UNC5D: variants seen among roughly 807,000 people sequenced by gnomAD.
The protein encoded by UNC5D is netrin receptor UNC5D.
UNC5D carries 39 observed loss-of-function variants against 105.4 expected under a neutral mutation model. That is an observed-to-expected ratio of 0.37 (90% CI 0.29 to 0.48). The LOEUF is 0.48. UNC5D is among the 20% of genes least tolerant of loss of function. The probability of loss-of-function intolerance (pLI) is 0.98; values close to 1 mark genes in which losing one functional copy is unlikely to be tolerated. For missense variants in UNC5D, 991 were observed against 1,202.4 expected (o/e 0.82, Z 2.60); for synonymous variants, 452 against 450.4 (o/e 1.00, Z -0.04).
At chr8:35,385,505 G>A (rs552648543) in intron 1 of UNC5D, among the ~76,000 whole-genome samples, 26 of 123,464 alleles carry the variant, frequency 2.1e-4, no homozygotes, top group South Asian at 1.1e-3. Context: ...TCGCTCTGTC[G>A]CCCAGGCTGG....
At chr8:35,358,177 A>G (rs1801662161) in intron 1 of UNC5D, among the ~76,000 whole-genome samples, 1 of 152,182 alleles carries the variant, frequency 6.6e-6, no homozygotes, top group Non-Finnish European at 1.5e-5. Context: ...AATTCATTCT[A>G]TTATAAAGAT....
Position 35,722,196 on chromosome 8 carries a change from C to G in UNC5D, c.1118-14C>G. On this transcript the variant is annotated splice_polypyrimidine_tract_variant and intron_variant, in intron 8 of 16. Transcript: ENST00000404895. ...CCCATGCTGGTCACTTACAATTTCT[C>G]TTGTGTCTTTCAGGCATTGAGAATG... 6.2e-7 allele frequency: 1 copy of G among 1,611,114 alleles called. No homozygotes were observed. The highest frequency in any genetic ancestry group is 1.1e-5 in the South Asian group (1 of 90,636).
At chr8:35,442,904 T>TCTCA (rs1246705327) in intron 1 of UNC5D, among the ~76,000 whole-genome samples, 349 of 141,340 alleles carry the variant, frequency 2.5e-3, no homozygotes, top group Middle Eastern at 7.3e-3. Flanking sequence ...TCTCTCTCTC[T>TCTCA]CACACACACA....
chr8:35,281,632 T>A (rs1806174771), intron 1 of UNC5D, among the ~76,000 whole-genome samples: 1 of 152,116 alleles, frequency 6.6e-6, no homozygotes, highest in Admixed American at 6.5e-5. Context: ...TTAGCATTGC[T>A]ATGCTACCTT....
intron 16 of UNC5D, among the ~76,000 whole-genome samples, chr8:35,777,857 G>T (rs1172980647): frequency 6.6e-6 from 1 of 152,156 alleles, no homozygotes; most frequent in East Asian, 1.9e-4. Context: ...AAGAAGGGAG[G>T]AAAAGAAAGA....
At chr8:35,656,622 T>C (rs2131207513) in intron 4 of UNC5D, among the ~76,000 whole-genome samples, 1 of 152,250 alleles carries the variant, frequency 6.6e-6, no homozygotes, top group East Asian at 1.9e-4. Context: ...AATGCAAACC[T>C]TAACCCTCTT....
At chr8:35,455,857 G>C (rs1437677664) in intron 1 of UNC5D, among the ~76,000 whole-genome samples, 3 of 151,872 alleles carry the variant, frequency 2.0e-5, no homozygotes, top group Non-Finnish European at 4.4e-5. Flanking sequence ...GAACAATATG[G>C]GGAAAACTAC....
chr8:35,536,024 T>A (rs1563511512), intron 1 of UNC5D, among the ~76,000 whole-genome samples: 2 of 152,210 alleles, frequency 1.3e-5, no homozygotes, highest in Non-Finnish European at 2.9e-5. Flanking sequence ...TCTAGCTCTG[T>A]CTTAACTCCA....
chr8:35,390,102 G>C lies in UNC5D; in HGVS notation c.103+154215G>C, dbSNP rs542417370. On this transcript the variant is annotated intron_variant, in intron 1 of 16. Coordinates refer to ENST00000404895, the MANE Select transcript of UNC5D (RefSeq NM_080872.4). ...TCCAGTCATGGCAGAAGGCAAAGGGGGAGCAGGCATGTCACATGGCCAGAG... is the reference window on the plus strand; with the variant it reads ...TCCAGTCATGGCAGAAGGCAAAGGGCGAGCAGGCATGTCACATGGCCAGAG... Among the ~76,000 whole-genome samples, 328 of 152,256 alleles carry C rather than the reference G, an allele frequency of 2.2e-3. 1 individual carries two copies. The highest frequency in any genetic ancestry group is 7.6e-3 in the African/African-American group (317 of 41,554).
chr8:35,457,381 A>G (rs1013989600), intron 1 of UNC5D, among the ~76,000 whole-genome samples: 64 of 152,152 alleles, frequency 4.2e-4, no homozygotes, highest in African/African-American at 1.5e-3. Flanking sequence ...TTTCTGCTCC[A>G]TCTCAACAGA....
chr8:35,433,105 A>G (rs976754475), intron 1 of UNC5D, among the ~76,000 whole-genome samples: 1 of 152,174 alleles, frequency 6.6e-6, no homozygotes, highest in Non-Finnish European at 1.5e-5. Context: ...GTGAAAGCTA[A>G]CACATTTATT....
intron 1 of UNC5D, among the ~76,000 whole-genome samples, chr8:35,252,785 C>T (rs1175599015): frequency 6.6e-6 from 1 of 152,054 alleles, no homozygotes; most frequent in Non-Finnish European, 1.5e-5. Flanking sequence ...GAGTAGATTA[C>T]TTGGACCTTG....
intron 8 of UNC5D, 29 bp downstream of exon 8, chr8:35,705,990 A>G (rs1827553702): frequency 7.9e-7 from 1 of 1,272,254 alleles, no homozygotes; most frequent in Non-Finnish European, 1.1e-6. Context: ...TGTGAATATA[A>G]TTTATTCTCA....
chr8:35,684,823 TA>T lies in UNC5D; in HGVS notation c.919+75del. 1.4e-6 allele frequency: 2 copies of T among 1,468,216 alleles called. 1 individual carries two copies. The highest frequency in any genetic ancestry group is 1.8e-6 in the Non-Finnish European group (2 of 1,104,548). The allele number at this position is 1,468,216 out of a possible 1,614,324, so 90.9% of individuals were successfully genotyped here. On this transcript the variant is annotated intron_variant, in intron 6 of 16. Transcript: ENST00000404895. ...TAAGCTGGTGTGAAACAATCAATGT[TA>T]CCTTCTTTTCCAAAGTTACCCTCTC...
chr8:35,295,524 G>A (rs890850717), intron 1 of UNC5D, among the ~76,000 whole-genome samples: 1 of 152,018 alleles, frequency 6.6e-6, no homozygotes, highest in African/African-American at 2.4e-5. Context: ...TTTAAAAAAT[G>A]TTTTCCCAGC....
intron 4 of UNC5D, among the ~76,000 whole-genome samples, chr8:35,630,861 G>T (rs1171516836): frequency 3.3e-5 from 5 of 152,170 alleles, no homozygotes; most frequent in African/African-American, 9.7e-5. Context: ...TTCTCCCAAG[G>T]GCACAATTTT....
intron 1 of UNC5D, among the ~76,000 whole-genome samples, chr8:35,434,415 A>AT (rs766121269): frequency 1.8e-4 from 28 of 151,694 alleles, no homozygotes; most frequent in East Asian, 3.9e-4. Context: ...GTAATTTTAA[A>AT]TTTTTTTTTA....
chr8:35,508,452 T>A lies in UNC5D; in HGVS notation c.104-40840T>A, dbSNP rs1053139305. Among the ~76,000 whole-genome samples, 2 of 152,214 alleles carry A rather than the reference T, an allele frequency of 1.3e-5. 1 individual carries two copies. The highest frequency in any genetic ancestry group is 4.8e-5 in the African/African-American group (2 of 41,446). The stretch of plus-strand genomic sequence containing the variant: ...CTAAGAAGAAAGACTGTATTTCTCT[T>A]CAGAGACTAGTGAGAGACAAAGGCA... On this transcript the variant is annotated intron_variant, in intron 1 of 16. Transcript: ENST00000404895.
chr8:35,306,715 T>C (rs1808447501), intron 1 of UNC5D, among the ~76,000 whole-genome samples: 1 of 152,164 alleles, frequency 6.6e-6, no homozygotes, highest in Admixed American at 6.6e-5. Context: ...TCATGAATTG[T>C]CTCCAAAATT....
Sources: gnomAD v4.1 joint callset for allele counts (sites outside exome capture counted in the v4.1 genomes callset) on GRCh38, gnomAD v4.1.1 for gene constraint, MANE v1.5 for transcripts, NCBI Gene and HGNC (gene_info 2026-07-23, HGNC 2026-07-21) for gene names.